The following ZDHHC16 variants were observed in gnomAD, a reference collection of about 807,000 sequenced individuals.
The protein encoded by ZDHHC16 is palmitoyltransferase ZDHHC16.
Under a neutral mutation model 54.4 loss-of-function variants are expected in ZDHHC16, and 33 were observed. That is an observed-to-expected ratio of 0.61 (90% CI 0.46 to 0.81). The LOEUF (loss-of-function observed/expected upper bound fraction) is 0.81. Among genes scored for constraint, ZDHHC16 ranks in the 30% least tolerant of loss-of-function variants. The probability of loss-of-function intolerance (pLI) is 0.00; values close to 1 mark genes in which losing one functional copy is unlikely to be tolerated. For synonymous variants in ZDHHC16, 185 were observed against 182.1 expected (o/e 1.02, Z -0.13); for missense variants, 420 against 485.9 (o/e 0.86, Z 1.28).
chr10:97,451,543 T>C, intron 2 of ZDHHC16, 128 bp from the exon 3 acceptor site: 1 of 1,319,726 alleles, frequency 7.6e-7, no homozygotes, highest in Non-Finnish European at 1.0e-6. Context: ...CTTCTCACAG[T>C]TGGTGACTGG....
intron 1 of ZDHHC16, among the ~76,000 whole-genome samples, chr10:97,447,193 C>T (rs893867243): frequency 6.6e-6 from 1 of 152,146 alleles, no homozygotes. Context: ...GCGTGTTAGC[C>T]CAGAAGGGAG....
intron 1 of ZDHHC16, among the ~76,000 whole-genome samples, chr10:97,446,614 G>T (rs371362066): frequency 6.6e-6 from 1 of 152,352 alleles, no homozygotes; most frequent in East Asian, 1.9e-4. Context: ...TGTCCAAAAT[G>T]ATCAAGATAG....
chr10:97,454,066 C>A (rs536804307), intron 8 of ZDHHC16, among the ~76,000 whole-genome samples: 1 of 152,286 alleles, frequency 6.6e-6, no homozygotes, highest in South Asian at 2.1e-4. Flanking sequence ...GCTATCTATC[C>A]CGTCATCACC....
At chr10:97,456,734 C>G in intron 11 of ZDHHC16, 43 bp from the exon 12 acceptor site, 1 of 1,455,512 alleles carries the variant, frequency 6.9e-7, no homozygotes, top group South Asian at 1.3e-5. Flanking sequence ...TGGGAAGGAC[C>G]AAGAATTCTT....
chr10:97,451,766 C>T lies in ZDHHC16; in HGVS notation c.91C>T (p.Leu31=), dbSNP rs1248366028. Residue 31 remains leucine, a synonymous_variant, in exon 3 of 12, where the codon CTA becomes TTA. Coordinates refer to ENST00000393760, the MANE Select transcript of ZDHHC16 (RefSeq NM_198046.3). The stretch of plus-strand genomic sequence containing the variant: ...GGGTTACAGGCGCCGCTGTCCACCT[C>T]TACTCCGGGGTCTAGTACAGCGCTG... ...LLGYRRRCPP[L]LRGLVQRWRY... is the part of the protein sequence containing the mutation. 6.2e-7 allele frequency: 1 copy of T among 1,614,132 alleles called. No homozygotes were observed. Among genetic ancestry groups the T allele is most frequent in the African/African-American group, 1.3e-5 (1 of 75,070 alleles).
At chr10:97,452,716 C>A (rs914196017) in intron 5 of ZDHHC16, 179 bp from the exon 6 acceptor site, 4 of 950,562 alleles carry the variant, frequency 4.2e-6, no homozygotes, top group Non-Finnish European at 6.4e-6. Context: ...AGATGAGTTA[C>A]CTTGTCCAAT....
chr10:97,449,068 G>A (rs1846357574), intron 1 of ZDHHC16, among the ~76,000 whole-genome samples: 1 of 152,200 alleles, frequency 6.6e-6, no homozygotes, highest in South Asian at 2.1e-4. Context: ...TTGAGTCCCA[G>A]TAGAGTTGAA....
chr10:97,454,652 T>C (rs768495963), intron 8 of ZDHHC16, 62 bp from the exon 9 acceptor site: 102 of 1,419,750 alleles, frequency 7.2e-5, no homozygotes, highest in Non-Finnish European at 9.6e-5. Flanking sequence ...CTATAGGTGC[T>C]GGGGGCAGTT....
intron 11 of ZDHHC16, 77 bp from the exon 12 acceptor site, chr10:97,456,700 G>A: frequency 9.3e-7 from 1 of 1,071,434 alleles, no homozygotes; most frequent in Non-Finnish European, 1.3e-6. Context: ...ATACCTTGAT[G>A]TATGCTTGTT....
In ZDHHC16 at chr10:97,452,096, G is replaced by T. The variant is rs143451828; in HGVS notation, c.250G>T (p.Val84Leu). The change falls in exon 4 of 12, where the codon GTG (valine) becomes TTG (leucine). Residue 84 changes from valine (V) to leucine (L), a missense_variant. Transcript: ENST00000393760. Reference protein sequence around the residue: ...NVIRWFGVVFVVLVIVLTGSI... With the variant: ...NVIRWFGVVFLVLVIVLTGSI... Reference sequence around the variant, plus strand: ...ACCTTGCTGGTGTTGGCAGGTGTTCGTGGTCCTGGTGATCGTGCTGACAGG... The same window carrying T: ...ACCTTGCTGGTGTTGGCAGGTGTTCTTGGTCCTGGTGATCGTGCTGACAGG... The T allele has an allele frequency of 6.2e-7, 1 of 1,613,780 alleles. No homozygotes were observed. Among genetic ancestry groups the T allele is most frequent in the Admixed American group, 1.7e-5 (1 of 60,028 alleles).
In ZDHHC16 at chr10:97,455,782, G is replaced by A; in HGVS notation, c.947G>A (p.Arg316Lys). Reference protein sequence around the residue: ...KERRRLQAKGRVFRNPYNYGC... With the variant: ...KERRRLQAKGKVFRNPYNYGC... ...AGACGTCGGCTACAGGCCAAGGGCA[G>A]AGTGAGTAGGGTTGAAGGCTCGGGG... Residue 316 changes from arginine (R) to lysine (K), a missense_variant and splice_region_variant, in exon 10 of 12, where the codon AGA (arginine) becomes AAA (lysine). Physicochemically the swap from Arg to Lys is conservative, Grantham distance 26. Transcript: ENST00000393760. 1.2e-6 allele frequency: 2 copies of A among 1,614,030 alleles called. No individual in the cohort carries two copies. Among genetic ancestry groups the A allele is most frequent in the Non-Finnish European group, 1.7e-6 (2 of 1,179,866 alleles).
Position 97,453,663 on chromosome 10 carries a change from G to A in ZDHHC16, c.690G>A (p.Glu230=). The A allele has an allele frequency of 1.2e-6, 2 of 1,614,180 alleles. No homozygotes were observed. Among genetic ancestry groups the A allele is most frequent in the Non-Finnish European group, 1.7e-6 (2 of 1,180,034 alleles). ...TCCGGGAGGCTTATGCTGCCATTGAGGTGAGCTCATCAGGAACAGGGCAGC... is the reference window on the plus strand; with the variant it reads ...TCCGGGAGGCTTATGCTGCCATTGAAGTGAGCTCATCAGGAACAGGGCAGC... ...DLFREAYAAI[E]KMKQLDKNKL... is the part of the protein sequence containing the mutation. Residue 230 remains glutamate (E), a splice_region_variant and synonymous_variant, in exon 7 of 12, where the codon GAG becomes GAA. Transcript: ENST00000393760.
At chr10:97,452,975 T>C (rs1411590484) in intron 6 of ZDHHC16, 52 bp downstream of exon 6, 8 of 1,612,608 alleles carry the variant, frequency 5.0e-6, no homozygotes, top group Non-Finnish European at 6.8e-6. Flanking sequence ...TCCAGAGCAC[T>C]GTACAGGGTT....
At chr10:97,454,260 A>C (rs769678769) in intron 8 of ZDHHC16, among the ~76,000 whole-genome samples, 12 of 152,104 alleles carry the variant, frequency 7.9e-5, no homozygotes, top group Non-Finnish European at 1.5e-4. Context: ...GGACTCCCTA[A>C]TCTGCTGAGC....
Position 97,452,924 on chromosome 10 carries a change from G to GT in ZDHHC16, c.556+2dup. Reference sequence around the variant, plus strand: ...GTGCTGAAGATGGATCACCACTGCCGTATCCTTTTGCTTTCTCTTCTGCCT... The same window carrying GT: ...GTGCTGAAGATGGATCACCACTGCCGTTATCCTTTTGCTTTCTCTTCTGCCT... On this transcript the variant is annotated splice_donor_variant, in intron 6 of 11. Transcript: ENST00000393760. LOFTEE classifies it high-confidence loss of function. 1 of 1,614,164 alleles carries GT rather than the reference G, an allele frequency of 6.2e-7. No homozygotes were observed. The highest frequency in any genetic ancestry group is 8.5e-7 in the Non-Finnish European group (1 of 1,180,014).
At chr10:97,449,098 G>A (rs1846360121) in intron 1 of ZDHHC16, among the ~76,000 whole-genome samples, 2 of 152,292 alleles carry the variant, frequency 1.3e-5, no homozygotes, top group South Asian at 4.1e-4. Context: ...TGAGGTTACG[G>A]AACTGCTTAG....
chr10:97,447,988 C>T (rs375042194), intron 1 of ZDHHC16, among the ~76,000 whole-genome samples: 1 of 151,820 alleles, frequency 6.6e-6, no homozygotes, highest in Non-Finnish European at 1.5e-5. Context: ...ATGTAATTTT[C>T]CTGGCATCCC....
intron 9 of ZDHHC16, among the ~76,000 whole-genome samples, chr10:97,455,318 ACT>A (rs955432045): frequency 3.3e-5 from 5 of 152,060 alleles, no homozygotes; most frequent in East Asian, 3.9e-4. Context: ...CTTTCCACAT[ACT>A]CTCTTTTCCC....
intron 1 of ZDHHC16, among the ~76,000 whole-genome samples, chr10:97,449,781 C>T (rs1399106749): frequency 2.0e-5 from 3 of 151,600 alleles, no homozygotes; most frequent in South Asian, 2.1e-4. Flanking sequence ...CCGCCTGCCT[C>T]GGCTTCCCAA....
Sources: gnomAD v4.1 joint callset for allele counts (sites outside exome capture counted in the v4.1 genomes callset) on GRCh38, gnomAD v4.1.1 for gene constraint, MANE v1.5 for transcripts, NCBI Gene and HGNC (gene_info 2026-07-23, HGNC 2026-07-21) for gene names.